BTBD8: variants seen among roughly 807,000 people sequenced by gnomAD.
The protein encoded by BTBD8 is BTB/POZ domain-containing protein 8.
A neutral mutation model predicts 162.9 loss-of-function variants in BTBD8; 110 were observed. The observed-to-expected ratio is 0.68, with a 90% CI of 0.58 to 0.79. The LOEUF (loss-of-function observed/expected upper bound fraction) is 0.79. BTBD8 is among the 30% of genes least tolerant of loss of function. BTBD8 has a pLI of 0.00. For missense variants in BTBD8, 1,905 were observed against 2,085.4 expected (o/e 0.91, Z 1.68); for synonymous variants, 667 against 716.1 (o/e 0.93, Z 1.10).
At chr1:92,165,360 C>T (rs1041434913) in intron 9 of BTBD8, among the ~76,000 whole-genome samples, 11 of 152,056 alleles carry the variant, frequency 7.2e-5, no homozygotes, top group African/African-American at 2.7e-4. Flanking sequence ...GTGAGGGAGA[C>T]AGACATTAAA....
intron 9 of BTBD8, among the ~76,000 whole-genome samples, chr1:92,148,752 G>A (rs772968289): frequency 2.0e-5 from 3 of 152,194 alleles, no homozygotes; most frequent in Non-Finnish European, 4.4e-5. Context: ...ATGTTTCCAT[G>A]TGGGGACACA....
In BTBD8 at chr1:92,180,805, A is replaced by C; in HGVS notation, c.3122A>C (p.Glu1041Ala). ...AAGCTGGATAAATCATTAAAACACGAACTGGAATCAAAACAGATTTGTTTA... is the reference window on the plus strand; with the variant it reads ...AAGCTGGATAAATCATTAAAACACGCACTGGAATCAAAACAGATTTGTTTA... ...ISKLDKSLKHELESKQICLDK... is the reference protein window; with the variant it reads ...ISKLDKSLKHALESKQICLDK... Residue 1041 changes from glutamate (E) to alanine (A), a missense_variant, in exon 17 of 18, where the codon GAA (glutamate) becomes GCA (alanine). Physicochemically the swap from Glu to Ala is moderately radical, Grantham distance 107. Around this residue, in one of 3 missense-constraint regions of BTBD8, gnomAD observed 1,374 missense variants for 1,442.7 expected, o/e 0.95. Transcript: ENST00000636805. The C allele has an allele frequency of 6.4e-7, 1 of 1,551,630 alleles. No individual in the cohort carries two copies. Among genetic ancestry groups the C allele is most frequent in the Non-Finnish European group, 8.7e-7 (1 of 1,146,968 alleles).
chr1:92,131,673 G>A (rs1009309176), intron 5 of BTBD8, among the ~76,000 whole-genome samples: 2 of 150,640 alleles, frequency 1.3e-5, no homozygotes, highest in Non-Finnish European at 2.9e-5. Flanking sequence ...GCAGTGAGCT[G>A]AGATCGTGCC....
chr1:92,178,274 A>G (rs1650779449), intron 15 of BTBD8, 38 bp from the exon 16 acceptor site: 4 of 1,482,846 alleles, frequency 2.7e-6, no homozygotes, highest in Non-Finnish European at 3.6e-6. Flanking sequence ...ATGTTTTGGA[A>G]TCTAAGTGTA....
chr1:92,160,850 C>T (rs1650258073), intron 9 of BTBD8, among the ~76,000 whole-genome samples: 1 of 152,122 alleles, frequency 6.6e-6, no homozygotes, highest in Admixed American at 6.5e-5. Flanking sequence ...TGGTGACTAC[C>T]AACCCAAATC....
intron 2 of BTBD8, among the ~76,000 whole-genome samples, chr1:92,100,180 A>T (rs1389962592): frequency 1.3e-5 from 2 of 152,192 alleles, no homozygotes; most frequent in Non-Finnish European, 2.9e-5. Context: ...TTCCTGAGAT[A>T]CATCTGTTTG....
intron 4 of BTBD8, 111 bp downstream of exon 4, chr1:92,108,112 A>G: frequency 1.9e-6 from 2 of 1,041,880 alleles, no homozygotes; most frequent in Non-Finnish European, 2.9e-6. Flanking sequence ...CACAGGCCAC[A>G]GGGGTTCCAT....
chr1:92,082,964 T>G (rs74228378), intron 1 of BTBD8, among the ~76,000 whole-genome samples: 2 of 152,120 alleles, frequency 1.3e-5, no homozygotes, highest in East Asian at 3.8e-4. Context: ...TTATTCTCAT[T>G]TAACACAAGA....
chr1:92,139,313 CCT>C, intron 5 of BTBD8, 35 bp from the exon 6 acceptor site: 1 of 1,540,476 alleles, frequency 6.5e-7, no homozygotes, highest in Non-Finnish European at 8.7e-7. Context: ...ATCAGTTAAA[CCT>C]TAATTCTGGA....
chr1:92,177,273 A>G lies in BTBD8; in HGVS notation c.2080A>G (p.Lys694Glu). ...AGGGCAAATTTCAGGTGCCAGACCC[A>G]AGGTACTCACAGGAAACTTAAATGT... ...QEGQISGARP[K>E]VLTGNLNVQA... is the part of the protein sequence containing the mutation. Residue 694 changes from lysine to glutamate, a missense_variant, in exon 14 of 18, where the codon AAG (lysine) becomes GAG (glutamate). Around this residue, in one of 3 missense-constraint regions of BTBD8, gnomAD observed 1,374 missense variants for 1,442.7 expected, o/e 0.95. Coordinates refer to ENST00000636805, the MANE Select transcript of BTBD8 (RefSeq NM_001376131.1). 1 of 1,552,120 alleles carries G rather than the reference A, an allele frequency of 6.4e-7. No individual in the cohort carries two copies. The highest frequency in any genetic ancestry group is 1.4e-5 in the African/African-American group (1 of 73,182).
At chr1:92,107,172 CAT>C (rs560376394) in intron 3 of BTBD8, among the ~76,000 whole-genome samples, 2 of 151,962 alleles carry the variant, frequency 1.3e-5, no homozygotes, top group East Asian at 1.9e-4. Context: ...CAAGAAGAAA[CAT>C]AGAGATTAGA....
intron 4 of BTBD8, among the ~76,000 whole-genome samples, chr1:92,118,068 C>T (rs1649093535): frequency 6.6e-6 from 1 of 151,920 alleles, no homozygotes; most frequent in African/African-American, 2.4e-5. Context: ...TACCCCCACA[C>T]CTAGTTCCTC....
At chr1:92,107,739 C>A in intron 3 of BTBD8, 145 bp from the exon 4 acceptor site, 1 of 644,658 alleles carries the variant, frequency 1.6e-6, no homozygotes, top group Non-Finnish European at 2.6e-6. Context: ...ATGATTTAAA[C>A]TTTTTGTTTT....
At chr1:92,112,013 T>C (rs748385711) in intron 4 of BTBD8, among the ~76,000 whole-genome samples, 9 of 152,204 alleles carry the variant, frequency 5.9e-5, no homozygotes, top group Non-Finnish European at 1.3e-4. Context: ...TGACAATGAA[T>C]ATAAGTCAAT....
intron 9 of BTBD8, chr1:92,150,464 C>T (rs956952846): frequency 1.3e-5 from 2 of 152,214 alleles, no homozygotes; most frequent in Non-Finnish European, 2.9e-5. Flanking sequence ...AAAGCAATCA[C>T]AAATGTGGCA....
chr1:92,132,964 A>G (rs115310287), intron 5 of BTBD8, among the ~76,000 whole-genome samples: 2,497 of 152,192 alleles, frequency 0.016, 40 homozygotes, highest in Non-Finnish European at 0.023. Flanking sequence ...GCTATGATAT[A>G]TTTTGCCTTT....
intron 1 of BTBD8, among the ~76,000 whole-genome samples, chr1:92,085,298 T>C (rs1232279658): frequency 6.6e-6 from 1 of 152,204 alleles, no homozygotes; most frequent in African/African-American, 2.4e-5. Context: ...TCATGTTGAA[T>C]TTTACAGGCC....
chr1:92,144,297 T>G (rs535768298), intron 7 of BTBD8, among the ~76,000 whole-genome samples: 1 of 152,204 alleles, frequency 6.6e-6, no homozygotes, highest in Non-Finnish European at 1.5e-5. Context: ...ATGCAATTTT[T>G]TGGCTGTGAC....
chr1:92,178,797 G>A (rs369650649), intron 16 of BTBD8, among the ~76,000 whole-genome samples: 2 of 151,964 alleles, frequency 1.3e-5, no homozygotes, highest in East Asian at 1.9e-4. Context: ...CCTCTGTTTG[G>A]TTTTCATTGT....
Sources: allele counts gnomAD v4.1 joint callset (sites outside exome capture counted in the v4.1 genomes callset), GRCh38; gene constraint gnomAD v4.1.1; regional missense constraint gnomAD v4.1.1; transcripts MANE v1.5; gene names NCBI Gene and HGNC (gene_info 2026-07-23, HGNC 2026-07-21).